The following TAFA2 variants were observed in gnomAD, a reference collection of about 807,000 sequenced individuals.
TAFA2 encodes TAFA chemokine like family member 2.
Under a neutral mutation model 18.8 loss-of-function variants are expected in TAFA2, and 7 were observed. The observed-to-expected ratio is 0.37, with a 90% CI of 0.21 to 0.70. TAFA2 has a LOEUF of 0.70. TAFA2 is among the 30% of genes least tolerant of loss of function. The pLI is 0.53. For missense variants in TAFA2, 122 were observed against 158.1 expected (o/e 0.77, Z 1.23); for synonymous variants, 60 against 54.2 (o/e 1.11, Z -0.47).
chr12:62,209,697 C>G (rs1371544586), intron 1 of TAFA2, among the ~76,000 whole-genome samples: 2 of 152,174 alleles, frequency 1.3e-5, no homozygotes, highest in African/African-American at 2.4e-5. Context: ...GTGAGAGCCA[C>G]TGAACTATTT....
At chr12:61,836,287 A>C (rs921178270) in intron 2 of TAFA2, among the ~76,000 whole-genome samples, 1 of 151,970 alleles carries the variant, frequency 6.6e-6, no homozygotes, top group Non-Finnish European at 1.5e-5. Flanking sequence ...ATTTCTGAAG[A>C]GTTAGATGTG....
chr12:61,901,245 A>T (rs1876085295), intron 1 of TAFA2, among the ~76,000 whole-genome samples: 1 of 149,490 alleles, frequency 6.7e-6, no homozygotes, highest in African/African-American at 2.4e-5. Context: ...CCAAGTTTTA[A>T]CTCTTCAATT....
chr12:61,796,047 A>G (rs1871176020), intron 2 of TAFA2, among the ~76,000 whole-genome samples: 1 of 152,174 alleles, frequency 6.6e-6, no homozygotes, highest in Non-Finnish European at 1.5e-5. Flanking sequence ...GGAATATGAA[A>G]TAGAACAACC....
intron 1 of TAFA2, chr12:61,879,416 T>G (rs1040485017): frequency 1.6e-5 from 11 of 703,066 alleles, no homozygotes; most frequent in Non-Finnish European, 2.6e-5. Context: ...GGTGCCCCCA[T>G]CAGCTCCTCA....
chr12:61,815,425 G>A (rs945953824), intron 2 of TAFA2, among the ~76,000 whole-genome samples: 6 of 151,422 alleles, frequency 4.0e-5, no homozygotes, highest in African/African-American at 1.5e-4. Context: ...CCAGCACTTT[G>A]GGAGGCCGAG....
intron 1 of TAFA2, among the ~76,000 whole-genome samples, chr12:61,971,171 G>T (rs532920880): frequency 6.6e-6 from 1 of 151,642 alleles, no homozygotes; most frequent in Non-Finnish European, 1.5e-5. Flanking sequence ...ACAGGAAAGG[G>T]TGATGAAGGA....
intron 1 of TAFA2, chr12:62,206,852 T>C (rs1245653): frequency 0.89 from 135,804 of 152,242 alleles, 60,698 homozygotes; most frequent in Middle Eastern, 0.93. Flanking sequence ...TTTGGTTATT[T>C]AGGCTTTATT....
At chr12:62,034,449 G>A (rs1881547126) in intron 1 of TAFA2, among the ~76,000 whole-genome samples, 1 of 152,276 alleles carries the variant, frequency 6.6e-6, no homozygotes, top group South Asian at 2.1e-4. Flanking sequence ...CTCTTTAGCT[G>A]TAATGTTTAT....
At chr12:61,924,279 C>G (rs912394914) in intron 1 of TAFA2, among the ~76,000 whole-genome samples, 3 of 152,046 alleles carry the variant, frequency 2.0e-5, no homozygotes, top group South Asian at 2.1e-4. Flanking sequence ...CCCCAAGACA[C>G]GTAATCGTCA....
At chr12:61,772,343 A>G (rs1870066054) in intron 2 of TAFA2, among the ~76,000 whole-genome samples, 1 of 152,022 alleles carries the variant, frequency 6.6e-6, no homozygotes, top group Non-Finnish European at 1.5e-5. Context: ...ATTCCAAAAC[A>G]TAGAAAAAGA....
chr12:62,206,888 A>G (rs1380850380), intron 1 of TAFA2: 1 of 151,998 alleles, frequency 6.6e-6, no homozygotes, highest in Non-Finnish European at 1.5e-5. Flanking sequence ...TTTTTTTACC[A>G]TGTTTCAAAG....
intron 1 of TAFA2, among the ~76,000 whole-genome samples, chr12:62,125,673 AT>A (rs140678464): frequency 0.13 from 20,062 of 151,788 alleles, 1,498 homozygotes; most frequent in Middle Eastern, 0.18. Context: ...TCCCGCAGAT[AT>A]TTTTTTTCTT....
chr12:62,058,354 T>C (rs78969283), intron 1 of TAFA2, among the ~76,000 whole-genome samples: 4,503 of 152,266 alleles, frequency 0.03, 153 homozygotes, highest in African/African-American at 0.079. Context: ...TTCTCCCTCA[T>C]TCTCTCTCTC....
chr12:61,921,691 G>A (rs1877062615), intron 1 of TAFA2, among the ~76,000 whole-genome samples: 1 of 152,146 alleles, frequency 6.6e-6, no homozygotes, highest in Non-Finnish European at 1.5e-5. Flanking sequence ...ATACATAAAT[G>A]AGGAATTGAA....
chr12:62,007,641 C>T (rs1880600042), intron 1 of TAFA2, among the ~76,000 whole-genome samples: 1 of 151,984 alleles, frequency 6.6e-6, no homozygotes, highest in Admixed American at 6.6e-5. Flanking sequence ...AAAAACAGAC[C>T]CCATCTTCTT....
Position 61,826,373 on chromosome 12 carries a change from T to A in TAFA2, c.106+40947A>T, listed in dbSNP as rs533252445. On this transcript the variant is annotated intron_variant, in intron 2 of 4. Transcript: ENST00000416284. ...GTGTGTGTGTGTGTGTATTTGTAAA[T>A]TTGAAATTCTATATGTGAGAAAATT... 9.2e-4 allele frequency among the ~76,000 whole-genome samples: 140 copies of A among 151,934 alleles called. 1 individual carries two copies. The highest frequency in any genetic ancestry group is 1.7e-3 in the Non-Finnish European group (117 of 67,896).
intron 1 of TAFA2, among the ~76,000 whole-genome samples, chr12:61,971,820 T>C (rs1341939890): frequency 6.6e-6 from 1 of 151,814 alleles, no homozygotes; most frequent in Non-Finnish European, 1.5e-5. Context: ...CATGTATACA[T>C]ATGCAACAAA....
At chr12:62,072,546 T>C (rs1592318700) in intron 1 of TAFA2, among the ~76,000 whole-genome samples, 1 of 152,118 alleles carries the variant, frequency 6.6e-6, no homozygotes, top group African/African-American at 2.4e-5. Flanking sequence ...TTTGGGAGGC[T>C]GAAGTGGGCA....
chr12:62,156,992 G>T (rs141410165), intron 1 of TAFA2, among the ~76,000 whole-genome samples: 43 of 152,128 alleles, frequency 2.8e-4, no homozygotes, highest in African/African-American at 1.0e-3. Context: ...TACATTATTT[G>T]CCTTGGATGA....
Sources: allele counts gnomAD v4.1 joint callset (sites outside exome capture counted in the v4.1 genomes callset), GRCh38; gene constraint gnomAD v4.1.1; transcripts MANE v1.5; gene names NCBI Gene and HGNC (gene_info 2026-07-23, HGNC 2026-07-21).